RAB30: variants seen among roughly 807,000 people sequenced by gnomAD.
RAB30 encodes RAB30, member RAS oncogene family.
Under a neutral mutation model 25.1 loss-of-function variants are expected in RAB30, and 9 were observed. That is an observed-to-expected ratio of 0.36 (90% CI 0.22 to 0.63). The LOEUF is 0.63. RAB30 is among the 20% of genes least tolerant of loss of function. The pLI is 0.69. For missense variants in RAB30, 140 were observed against 243.5 expected, an observed-to-expected ratio of 0.58 and a Z score of 2.83; for synonymous variants, 77 against 86.4, an observed-to-expected ratio of 0.89 and a Z score of 0.60.
At chr11:83,048,899 T>G (rs1756096644) in intron 1 of RAB30, among the ~76,000 whole-genome samples, 1 of 152,210 alleles carries the variant, frequency 6.6e-6, no homozygotes, top group African/African-American at 2.4e-5. Flanking sequence ...CCTGAGTGGC[T>G]GTACTCCACC....
chr11:83,048,278 G>A (rs1459533289), intron 1 of RAB30, among the ~76,000 whole-genome samples: 1 of 152,010 alleles, frequency 6.6e-6, no homozygotes, highest in Non-Finnish European at 1.5e-5. Flanking sequence ...CCAGGAGTTC[G>A]AGACCAGCCT....
At chr11:83,029,252 T>C (rs1387882099) in intron 1 of RAB30, among the ~76,000 whole-genome samples, 2 of 152,120 alleles carry the variant, frequency 1.3e-5, no homozygotes, top group Admixed American at 1.3e-4. Flanking sequence ...TCAAATATTT[T>C]AAATATATGA....
intron 1 of RAB30, among the ~76,000 whole-genome samples, chr11:83,028,493 A>C (rs1389860119): frequency 1.3e-5 from 2 of 152,202 alleles, no homozygotes; most frequent in Non-Finnish European, 2.9e-5. Context: ...CACGAAGCAC[A>C]CTGTGAAACT....
At chr11:83,031,988 T>G (rs1428292955) in intron 1 of RAB30, among the ~76,000 whole-genome samples, 1 of 152,096 alleles carries the variant, frequency 6.6e-6, no homozygotes, top group Non-Finnish European at 1.5e-5. Context: ...TACAGAAGAG[T>G]TTTGCTTTGA....
intron 1 of RAB30, among the ~76,000 whole-genome samples, chr11:83,065,138 C>T (rs1312216041): frequency 6.6e-6 from 1 of 151,738 alleles, no homozygotes; most frequent in Non-Finnish European, 1.5e-5. Flanking sequence ...CACAGTGGCT[C>T]ACACTTTGGG....
intron 1 of RAB30, among the ~76,000 whole-genome samples, chr11:83,007,831 C>T (rs1278761888): frequency 2.0e-5 from 3 of 150,364 alleles, no homozygotes; most frequent in South Asian, 2.1e-4. Context: ...TCCCACTCAT[C>T]GACCCCCTTC....
intron 1 of RAB30, 110 bp from the exon 2 acceptor site, chr11:82,997,434 GC>G: frequency 1.4e-6 from 1 of 729,966 alleles, no homozygotes; most frequent in Non-Finnish European, 2.3e-6. Context: ...CATTTAAAGA[GC>G]AATTTAAAGC....
chr11:83,031,569 C>A (rs1358654567), intron 1 of RAB30, among the ~76,000 whole-genome samples: 6 of 147,506 alleles, frequency 4.1e-5, no homozygotes, highest in Admixed American at 1.4e-4. Flanking sequence ...CTCTTCTTGG[C>A]CAGGCTGGAG....
In RAB30 at chr11:82,982,419, T is replaced by C; in HGVS notation, c.362-4A>G. 1 of 1,610,662 alleles carries C rather than the reference T, an allele frequency of 6.2e-7. No individual in the cohort carries two copies. Among genetic ancestry groups the C allele is most frequent in the Non-Finnish European group, 8.5e-7 (1 of 1,178,658 alleles). On this transcript the variant is annotated splice_polypyrimidine_tract_variant and splice_region_variant and intron_variant, in intron 4 of 4. Coordinates refer to ENST00000527633, the MANE Select transcript of RAB30 (RefSeq NM_001286060.2). ...TCAGCCAGGTCAATCTTGTTGCCTATAACAGTAGTAAAATCAAATAAAGAA... is the reference window on the plus strand; with the variant it reads ...TCAGCCAGGTCAATCTTGTTGCCTACAACAGTAGTAAAATCAAATAAAGAA...
intron 1 of RAB30, among the ~76,000 whole-genome samples, chr11:83,009,214 C>T (rs1037259127): frequency 1.3e-5 from 2 of 151,906 alleles, no homozygotes; most frequent in Admixed American, 6.6e-5. Flanking sequence ...TACAGGCACC[C>T]GCCACCATGC....
In RAB30 at chr11:82,984,417, G is replaced by A. The variant is rs143448805; in HGVS notation, c.362-2002C>T. ...CTCATACTAGAATCGTCTGGGGGTT[G>A]CGGACTGGGTAGGAGGTCCTGGAAA... is the stretch of plus-strand genomic sequence containing the variant. On this transcript the variant is annotated intron_variant, in intron 4 of 4. Coordinates refer to ENST00000527633, the MANE Select transcript of RAB30 (RefSeq NM_001286060.2). Among the ~76,000 whole-genome samples the A allele has an allele frequency of 8.3e-4, 126 of 152,284 alleles. No homozygotes were observed. The Middle Eastern group carries it at 0.01, about 12-fold the overall frequency.
intron 1 of RAB30, among the ~76,000 whole-genome samples, chr11:83,042,409 T>C (rs1263996993): frequency 6.6e-6 from 1 of 151,570 alleles, no homozygotes; most frequent in Non-Finnish European, 1.5e-5. Flanking sequence ...TACAAAAAAT[T>C]AGCTGGGTGT....
intron 2 of RAB30, among the ~76,000 whole-genome samples, chr11:82,995,980 G>C (rs767651125): frequency 1.3e-5 from 2 of 152,200 alleles, no homozygotes; most frequent in Non-Finnish European, 2.9e-5. Context: ...CATCTCTGCA[G>C]TCTTATCCTT....
intron 1 of RAB30, among the ~76,000 whole-genome samples, chr11:83,055,439 C>A (rs1858437873): frequency 6.6e-6 from 1 of 152,220 alleles, no homozygotes; most frequent in East Asian, 1.9e-4. Context: ...GCTCACTGTT[C>A]CCTTCCCCTG....
chr11:83,024,094 T>C (rs1481259125), intron 1 of RAB30, among the ~76,000 whole-genome samples: 3 of 152,206 alleles, frequency 2.0e-5, no homozygotes, highest in Non-Finnish European at 4.4e-5. Flanking sequence ...CCCCAGTACT[T>C]ACTTCTGCTT....
chr11:83,046,985 T>C (rs991423158), intron 1 of RAB30, among the ~76,000 whole-genome samples: 2 of 152,194 alleles, frequency 1.3e-5, no homozygotes, highest in East Asian at 3.8e-4. Context: ...CTGGGTTTCC[T>C]TGAATTGTGT....
chr11:83,028,283 A>G (rs537989392), intron 1 of RAB30, among the ~76,000 whole-genome samples: 27 of 152,358 alleles, frequency 1.8e-4, no homozygotes, highest in Middle Eastern at 3.4e-3. Flanking sequence ...AATCTTCTAA[A>G]GAATAAAATC....
At chr11:83,027,630 A>C (rs1857755461) in intron 1 of RAB30, among the ~76,000 whole-genome samples, 1 of 152,182 alleles carries the variant, frequency 6.6e-6, no homozygotes, top group South Asian at 2.1e-4. Context: ...ATACCATATA[A>C]TTCACCCTTT....
At chr11:83,020,532 C>A (rs949854016) in intron 1 of RAB30, among the ~76,000 whole-genome samples, 5 of 152,232 alleles carry the variant, frequency 3.3e-5, no homozygotes, top group Admixed American at 3.3e-4. Flanking sequence ...AGGCAGGAGG[C>A]AGACAAGCTC....
Sources: allele counts gnomAD v4.1 joint callset (sites outside exome capture counted in the v4.1 genomes callset), GRCh38; gene constraint gnomAD v4.1.1; transcripts MANE v1.5; gene names NCBI Gene and HGNC (gene_info 2026-07-23, HGNC 2026-07-21).